The following PFKFB4 variants were observed in gnomAD, a reference collection of about 807,000 sequenced individuals.
PFKFB4 encodes 6-phosphofructo-2-kinase/fructose-2,6-biphosphatase 4.
Under a neutral mutation model 62.8 loss-of-function variants are expected in PFKFB4, and 42 were observed. The ratio of observed to expected loss-of-function variants is 0.67; its 90% CI spans 0.52 to 0.86. PFKFB4 has a LOEUF of 0.86. Ranked by LOEUF, PFKFB4 falls within the 40% of genes least tolerant of loss-of-function variation. The probability of loss-of-function intolerance (pLI) is 0.00; values close to 1 mark genes in which losing one functional copy is unlikely to be tolerated. For synonymous variants in PFKFB4, 204 were observed against 240.7 expected, an observed-to-expected ratio of 0.85 and a Z score of 1.41; for missense variants, 475 against 627.2, an observed-to-expected ratio of 0.76 and a Z score of 2.59.
rs2043309923 is a variant in PFKFB4 at position 48,556,188 on chromosome 3, G to A, written c.97+493C>T. The A allele has an allele frequency of 2.2e-6, 1 of 458,512 alleles. No homozygotes were observed. 28.4% of individuals were successfully genotyped at this position (458,512 alleles called of 1,614,324 possible). A position where few individuals can be genotyped will look rare whatever the true frequency, so the allele number is the denominator to read the frequency against. On this transcript the variant is annotated intron_variant, in intron 1 of 13. Coordinates refer to ENST00000232375, the MANE Select transcript of PFKFB4 (RefSeq NM_004567.4). The surrounding 1 kb of genome is among the most constrained non-coding windows in gnomAD (Gnocchi z 5.7). ...TGCCCAAGCTCAGCTTTAAGGCCAA[G>A]AGGCACCCTTCCTCCTGTTGGAAAA...
chr3:48,539,259 T>C lies in PFKFB4; in HGVS notation c.505A>G (p.Ile169Val). The C allele has an allele frequency of 1.2e-6, 2 of 1,613,136 alleles. No homozygotes were observed. The highest frequency in any genetic ancestry group is 2.2e-5 in the East Asian group (1 of 44,872). Residue 169 changes from isoleucine to valine, a missense_variant, in exon 6 of 14, where the codon ATC becomes GTC. By Grantham distance (29) the Ile-to-Val change is conservative (BLOSUM62 3). Coordinates refer to ENST00000232375, the MANE Select transcript of PFKFB4 (RefSeq NM_004567.4). Reference protein sequence around the residue: ...CVDPEVIAANIVQVKLGSPDY... With the variant: ...CVDPEVIAANVVQVKLGSPDY... ...AGGTCAGATGCACTACTCACCACGATGTTGGCAGCTATGACCTCAGGATCC... is the reference window on the plus strand; with the variant it reads ...AGGTCAGATGCACTACTCACCACGACGTTGGCAGCTATGACCTCAGGATCC...
rs751342460 is a variant in PFKFB4 at position 48,539,325 on chromosome 3, G to A, written c.454-15C>T. ...ACAAAAAAGGTCTGCGGCAGGACCA[G>A]AAGCGCCGGGGTGGTGGGAGGGAGG... On this transcript the variant is annotated splice_polypyrimidine_tract_variant and intron_variant, in intron 5 of 13. Coordinates refer to ENST00000232375, the MANE Select transcript of PFKFB4 (RefSeq NM_004567.4). The A allele has an allele frequency of 6.2e-7, 1 of 1,608,726 alleles. No individual in the cohort carries two copies. The highest frequency in any genetic ancestry group is 1.7e-5 in the Admixed American group (1 of 59,926).
At chr3:48,541,511 T>G (rs1240235400) in intron 4 of PFKFB4, among the ~76,000 whole-genome samples, 1 of 152,014 alleles carries the variant, frequency 6.6e-6, no homozygotes, top group East Asian at 1.9e-4. Context: ...GCTCAAGCAG[T>G]CCTCCTGCCT....
chr3:48,552,475 G>A (rs112335795), intron 1 of PFKFB4, among the ~76,000 whole-genome samples: 50 of 152,384 alleles, frequency 3.3e-4, no homozygotes, highest in African/African-American at 1.1e-3. Flanking sequence ...GGCTGACTGA[G>A]TGAGAGTGGA....
upstream of PFKFB4, chr3:48,563,104 C>A: frequency 6.2e-7 from 1 of 1,610,940 alleles, no homozygotes; most frequent in Non-Finnish European, 8.5e-7. This position sits in a 1 kb window ranked among gnomAD's most constrained non-coding sequence, Gnocchi z 4.5. Context: ...CCATCAGCAA[C>A]AGCAGAGCAC....
intron 7 of PFKFB4, among the ~76,000 whole-genome samples, chr3:48,537,984 C>T (rs1018442389): frequency 1.3e-5 from 2 of 152,192 alleles, no homozygotes; most frequent in African/African-American, 4.8e-5. Context: ...ATTTACCCAG[C>T]CACTGCCCCA....
chr3:48,552,340 C>T (rs1289806119), intron 1 of PFKFB4, among the ~76,000 whole-genome samples: 1 of 152,232 alleles, frequency 6.6e-6, no homozygotes, highest in African/African-American at 2.4e-5. Context: ...CCCAGGCAGG[C>T]CCTGCAGAGA....
chr3:48,519,848 T>TCTCATCTATTCCTGCC, intron 13 of PFKFB4, 42 bp from the exon 14 acceptor site: 1 of 1,499,048 alleles, frequency 6.7e-7, no homozygotes, highest in Non-Finnish European at 9.3e-7. Flanking sequence ...ATGGCAGGAA[T>TCTCATCTATTCCTGCC]AGATGAGATG....
intron 7 of PFKFB4, 145 bp from the exon 8 acceptor site, chr3:48,536,608 C>T (rs1055391781): frequency 1.6e-5 from 10 of 641,890 alleles, no homozygotes; most frequent in Admixed American, 8.0e-5. Context: ...AGCTGGTGTG[C>T]GAGTGATGGG....
chr3:48,543,472 G>A, intron 4 of PFKFB4, 108 bp downstream of exon 4: 1 of 1,006,744 alleles, frequency 9.9e-7, no homozygotes, highest in Non-Finnish European at 1.5e-6. Context: ...CAGAGCAGCT[G>A]GGGCACACAC....
chr3:48,555,124 G>A (rs2043273626), intron 1 of PFKFB4, among the ~76,000 whole-genome samples: 2 of 149,462 alleles, frequency 1.3e-5, no homozygotes, highest in African/African-American at 5.0e-5. Flanking sequence ...ACCCCCCTAA[G>A]TCAGGACCAC....
chr3:48,562,664 C>T (rs1046111847), upstream of PFKFB4: 7 of 962,842 alleles, frequency 7.3e-6, no homozygotes, highest in East Asian at 1.1e-4. The surrounding 1 kb of genome is among the most constrained non-coding windows in gnomAD (Gnocchi z 4.3). Flanking sequence ...CACTGTATGC[C>T]CAGATGTGGC....
At position 48,517,884 on chromosome 3, in the gene PFKFB4, C is replaced by T. The variant is rs1575344305; in HGVS notation, c.*1863G>A. Reference sequence around the variant, plus strand: ...TGCCAGGGCAGAGGCCGGGGGGTTGCCCCCACTCATGCCCTGATCCCTGGA... The same window carrying T: ...TGCCAGGGCAGAGGCCGGGGGGTTGTCCCCACTCATGCCCTGATCCCTGGA... On this transcript the variant is annotated 3_prime_UTR_variant, in exon 14 of 14. Coordinates refer to ENST00000232375, the MANE Select transcript of PFKFB4 (RefSeq NM_004567.4). 6.6e-6 allele frequency: 1 copy of T among 152,636 alleles called. No individual in the cohort carries two copies. The highest frequency in any genetic ancestry group is 2.4e-5 in the African/African-American group (1 of 41,466). 9.5% of individuals were successfully genotyped at this position (152,636 alleles called of 1,614,324 possible).
At chr3:48,542,150 T>C (rs923952198) in intron 4 of PFKFB4, among the ~76,000 whole-genome samples, 1 of 151,512 alleles carries the variant, frequency 6.6e-6, no homozygotes, top group African/African-American at 2.4e-5. Flanking sequence ...ATCGAGACCA[T>C]GGTGAAACCC....
chr3:48,544,728 G>GT (rs11348081), intron 3 of PFKFB4, among the ~76,000 whole-genome samples: 117 of 143,334 alleles, frequency 8.2e-4, no homozygotes, highest in South Asian at 1.8e-3. Flanking sequence ...CAGAAGGTTT[G>GT]TTTTTTTTTT....
intron 3 of PFKFB4, among the ~76,000 whole-genome samples, chr3:48,547,329 T>C (rs2042995508): frequency 6.6e-6 from 1 of 152,124 alleles, no homozygotes; most frequent in East Asian, 1.9e-4. Context: ...GTGCATATGG[T>C]ATACGCATGT....
At position 48,550,851 on chromosome 3, in the gene PFKFB4, A is replaced by G. The variant is rs78880581; in HGVS notation, c.98-617T>C. ...TCACTAATGACACTCTTCTCTCTAG[A>G]CTGATCACTTACAGCAGAAGAAGCC... is the stretch of plus-strand genomic sequence containing the variant. On this transcript the variant is annotated intron_variant, in intron 1 of 13. Transcript: ENST00000232375. Among the ~76,000 whole-genome samples the G allele has an allele frequency of 4.5e-3, 689 of 152,054 alleles. 6 individuals carry two copies. The highest frequency in any genetic ancestry group is 0.016 in the African/African-American group (664 of 41,460).
chr3:48,529,400 C>G (rs922668654), intron 9 of PFKFB4, among the ~76,000 whole-genome samples: 1 of 152,086 alleles, frequency 6.6e-6, no homozygotes, highest in African/African-American at 2.4e-5. Flanking sequence ...ATCATAAAAA[C>G]TGTAATAGTT....
Position 48,525,597 on chromosome 3 carries a change from C to A in PFKFB4, c.1060G>T (p.Asp354Tyr). The part of the protein sequence containing the change: ...YPLEFALRDQ[D>Y]KYRYRYPKGE... ...TTAGGGTACCGGTACCGGTACTTGTCCTGGTCCCGCAGGGCGAACTCCAGT... is the reference window on the plus strand; with the variant it reads ...TTAGGGTACCGGTACCGGTACTTGTACTGGTCCCGCAGGGCGAACTCCAGT... The change falls in exon 10 of 14, where the codon GAC becomes TAC. Residue 354 changes from aspartate (D) to tyrosine (Y), a missense_variant. By Grantham distance (160) the Asp-to-Tyr change is radical. Transcript: ENST00000232375. 1 of 1,606,614 alleles carries A rather than the reference C, an allele frequency of 6.2e-7. No homozygotes were observed. The highest frequency in any genetic ancestry group is 8.5e-7 in the Non-Finnish European group (1 of 1,175,472).
Sources: gnomAD v4.1 joint callset for allele counts (sites outside exome capture counted in the v4.1 genomes callset) on GRCh38, gnomAD v4.1.1 for gene constraint, Gnocchi (gnomAD v3.1) non-coding constraint, MANE v1.5 for transcripts, NCBI Gene and HGNC (gene_info 2026-07-23, HGNC 2026-07-21) for gene names.